USP34: variants seen among roughly 807,000 people sequenced by gnomAD.
USP34 encodes the protein ubiquitin carboxyl-terminal hydrolase 34.
USP34 carries 70 observed loss-of-function variants against 460.3 expected under a neutral mutation model. The ratio of observed to expected loss-of-function variants is 0.15; its 90% CI spans 0.13 to 0.19. USP34 has a LOEUF of 0.19. USP34 is among the 10% of genes least tolerant of loss of function. USP34 has a pLI of 1.00. For synonymous variants in USP34, 1,647 were observed against 1,405.3 expected, an observed-to-expected ratio of 1.17 and a Z score of -3.85; for missense variants, 3,985 against 4,236.2, an observed-to-expected ratio of 0.94 and a Z score of 1.65.
At chr2:61,229,483 AAAAAACAAAAACACC>A in intron 59 of USP34, 50 bp downstream of exon 59, 3 of 805,772 alleles carry the variant, frequency 3.7e-6, no homozygotes, top group Admixed American at 4.3e-5. Context: ...AAACAAAAAA[AAAAAACAAAAACACC>A]ACACACACAC....
At chr2:61,396,391 C>T (rs1371556537) in intron 3 of USP34, among the ~76,000 whole-genome samples, 1 of 152,140 alleles carries the variant, frequency 6.6e-6, no homozygotes, top group Non-Finnish European at 1.5e-5. Flanking sequence ...CATACTAGTA[C>T]TGGAAAATAT....
At chr2:61,425,147 G>A (rs564545957) in intron 1 of USP34, among the ~76,000 whole-genome samples, 3 of 152,088 alleles carry the variant, frequency 2.0e-5, no homozygotes, top group Non-Finnish European at 2.9e-5. Flanking sequence ...GTGGGAGGCA[G>A]AGCAAGCATA....
Position 61,380,818 on chromosome 2 carries a change from G to A in USP34, c.822-457C>T, listed in dbSNP as rs147889426. Among the ~76,000 whole-genome samples, 15 of 152,268 alleles carry A rather than the reference G, an allele frequency of 9.9e-5. No homozygotes were observed. In the East Asian group the frequency reaches 2.7e-3, roughly 27 times the overall value. On this transcript the variant is annotated intron_variant, in intron 6 of 79. Transcript: ENST00000398571. The stretch of plus-strand genomic sequence containing the variant: ...ATCACCAACAAAACAAGGAACCAAG[G>A]TTAGCCTGCTGGATGAAAGAGAAGT...
chr2:61,231,824 T>C (rs1298618661), intron 58 of USP34, among the ~76,000 whole-genome samples: 2 of 149,904 alleles, frequency 1.3e-5, no homozygotes, highest in African/African-American at 4.9e-5. Context: ...AAAATATATA[T>C]ACATATATAT....
At chr2:61,401,940 A>T (rs950298000) in intron 3 of USP34, among the ~76,000 whole-genome samples, 71 of 151,500 alleles carry the variant, frequency 4.7e-4, no homozygotes, top group African/African-American at 1.7e-3. Flanking sequence ...ATTACACATA[A>T]TTATTCAGGA....
intron 16 of USP34, among the ~76,000 whole-genome samples, chr2:61,342,173 C>A (rs1691624218): frequency 6.6e-6 from 1 of 152,014 alleles, no homozygotes; most frequent in Non-Finnish European, 1.5e-5. Flanking sequence ...TAATGTCAAT[C>A]CTTGATAGTA....
chr2:61,340,684 G>C (rs1356123427), intron 16 of USP34, among the ~76,000 whole-genome samples: 2 of 152,074 alleles, frequency 1.3e-5, no homozygotes, highest in Admixed American at 1.3e-4. Context: ...CTAATGATGA[G>C]AATCTTTTCG....
chr2:61,363,655 A>G (rs1450045563), intron 10 of USP34, among the ~76,000 whole-genome samples: 1 of 152,240 alleles, frequency 6.6e-6, no homozygotes, highest in Non-Finnish European at 1.5e-5. Context: ...ACACTGTTGT[A>G]TATGTATGTG....
chr2:61,428,101 G>A (rs144211116), intron 1 of USP34, among the ~76,000 whole-genome samples: 37 of 150,678 alleles, frequency 2.5e-4, no homozygotes, highest in Admixed American at 5.3e-4. Flanking sequence ...GGAGGCAGGG[G>A]TTGCAGTGAA....
At chr2:61,291,289 CACTA>C (rs1689843148) in intron 33 of USP34, among the ~76,000 whole-genome samples, 1 of 152,080 alleles carries the variant, frequency 6.6e-6, no homozygotes, top group Admixed American at 6.6e-5. Context: ...ATAAAAGAGA[CACTA>C]ACAAGTCTTG....
chr2:61,357,639 T>C (rs1692146250), intron 10 of USP34, among the ~76,000 whole-genome samples: 1 of 152,326 alleles, frequency 6.6e-6, no homozygotes, highest in Admixed American at 6.5e-5. Flanking sequence ...AGTTCATGCC[T>C]GTTGTAATAC....
At chr2:61,404,257 A>G (rs1693804005) in intron 3 of USP34, among the ~76,000 whole-genome samples, 1 of 152,130 alleles carries the variant, frequency 6.6e-6, no homozygotes, top group South Asian at 2.1e-4. Context: ...AGCTAGAGAA[A>G]AGAGACAGAT....
intron 15 of USP34, 105 bp from the exon 16 acceptor site, chr2:61,344,134 AC>A (rs1325576775): frequency 2.0e-6 from 2 of 996,060 alleles, no homozygotes; most frequent in East Asian, 5.1e-5. Context: ...TTAGAAACAA[AC>A]CGACATCTGC....
At chr2:61,428,287 G>C (rs1694569493) in intron 1 of USP34, among the ~76,000 whole-genome samples, 1 of 145,182 alleles carries the variant, frequency 6.9e-6, no homozygotes. Context: ...TGTTAAATCA[G>C]TCATTGAAAA....
intron 8 of USP34, among the ~76,000 whole-genome samples, chr2:61,378,090 C>G (rs1692849472): frequency 6.6e-6 from 1 of 152,124 alleles, no homozygotes; most frequent in Admixed American, 6.6e-5. Flanking sequence ...GGAGGATCAC[C>G]TGACCCTGGG....
intron 10 of USP34, among the ~76,000 whole-genome samples, chr2:61,359,059 A>C (rs138415500): frequency 6.6e-6 from 1 of 152,368 alleles, no homozygotes; most frequent in East Asian, 1.9e-4. Flanking sequence ...GAGTCAATGC[A>C]ATATCTATTC....
chr2:61,420,871 C>G (rs768866201), intron 1 of USP34, 38 bp from the exon 2 acceptor site: 3 of 1,488,288 alleles, frequency 2.0e-6, no homozygotes, highest in Non-Finnish European at 2.8e-6. Context: ...ATGAATAATG[C>G]TAAACCAGTA....
chr2:61,314,969 A>G lies in USP34; in HGVS notation c.3288T>C (p.Cys1096=). The G allele has an allele frequency of 6.2e-7, 1 of 1,609,618 alleles. No individual in the cohort carries two copies. The highest frequency in any genetic ancestry group is 8.5e-7 in the Non-Finnish European group (1 of 1,178,770). Residue 1096 remains cysteine, a synonymous_variant, in exon 24 of 80, where the codon TGT becomes TGC. Coordinates refer to ENST00000398571, the MANE Select transcript of USP34 (RefSeq NM_014709.4). ...AYDGCSNSEL[C]GMDQFWGIAL... Reference sequence around the variant, plus strand: ...CAATGCCCCAAAATTGGTCCATACCACACAGCTAAGAAAGAAAAATATGGT... The same window carrying G: ...CAATGCCCCAAAATTGGTCCATACCGCACAGCTAAGAAAGAAAAATATGGT...
intron 3 of USP34, among the ~76,000 whole-genome samples, chr2:61,399,891 A>AAAAAAAAAAAAAG (rs1693659809): frequency 1.3e-5 from 2 of 149,578 alleles, no homozygotes; most frequent in East Asian, 3.9e-4. Context: ...AAAAAAAAAA[A>AAAAAAAAAAAAAG]GCTGTATTAA....
Sources: gnomAD v4.1 joint callset for allele counts (sites outside exome capture counted in the v4.1 genomes callset) on GRCh38, gnomAD v4.1.1 for gene constraint, MANE v1.5 for transcripts, NCBI Gene and HGNC (gene_info 2026-07-23, HGNC 2026-07-21) for gene names.